ADCY8: variants seen among roughly 807,000 people sequenced by gnomAD.
The protein encoded by ADCY8 is adenylate cyclase type 8.
ADCY8 carries 51 observed loss-of-function variants against 119.7 expected under a neutral mutation model. The observed-to-expected ratio is 0.43, with a 90% CI of 0.34 to 0.54. ADCY8 has a LOEUF of 0.54. Ranked by LOEUF, ADCY8 falls within the 20% of genes least tolerant of loss-of-function variation. The probability of loss-of-function intolerance (pLI) is 0.03; values close to 1 mark genes in which losing one functional copy is unlikely to be tolerated. For missense variants in ADCY8, 1,383 were observed against 1,598.8 expected (o/e 0.87, Z 2.30); for synonymous variants, 665 against 651.0 (o/e 1.02, Z -0.33).
At chr8:130,821,531 C>A in intron 12 of ADCY8, 111 bp from the exon 13 acceptor site, 1 of 756,728 alleles carries the variant, frequency 1.3e-6, no homozygotes, top group Non-Finnish European at 2.2e-6. Flanking sequence ...CACATCTTTT[C>A]AGCACCTATT....
chr8:131,011,373 T>A (rs1048047887), intron 1 of ADCY8, among the ~76,000 whole-genome samples: 12 of 152,104 alleles, frequency 7.9e-5, no homozygotes, highest in Admixed American at 7.9e-4. Context: ...TTCTCTCCCC[T>A]CTTTATGTAG....
intron 11 of ADCY8, among the ~76,000 whole-genome samples, chr8:130,837,610 T>C (rs1437615441): frequency 6.6e-6 from 1 of 152,166 alleles, no homozygotes; most frequent in African/African-American, 2.4e-5. Context: ...CCCCACCAGA[T>C]TTCAGCCTTT....
At chr8:130,930,536 C>T (rs1820602810) in intron 5 of ADCY8, among the ~76,000 whole-genome samples, 1 of 152,140 alleles carries the variant, frequency 6.6e-6, no homozygotes, top group African/African-American at 2.4e-5. Context: ...CAGGTGTGAG[C>T]CACCGCGCCC....
At chr8:131,026,249 G>T (rs1823819940) in intron 1 of ADCY8, among the ~76,000 whole-genome samples, 1 of 152,172 alleles carries the variant, frequency 6.6e-6, no homozygotes, top group Admixed American at 6.6e-5. Context: ...GAGCTGCCTT[G>T]TCTCTTTCAT....
intron 1 of ADCY8, among the ~76,000 whole-genome samples, chr8:130,993,381 C>T (rs1476653982): frequency 6.6e-6 from 1 of 152,146 alleles, no homozygotes; most frequent in Non-Finnish European, 1.5e-5. Context: ...AAACAATTTT[C>T]AGCAGTTTAT....
chr8:130,839,800 C>T (rs1218791620), intron 11 of ADCY8, among the ~76,000 whole-genome samples: 1 of 140,210 alleles, frequency 7.1e-6, no homozygotes, highest in Non-Finnish European at 1.6e-5. Context: ...CAAAACCACA[C>T]TGTAAAAAAT....
chr8:130,976,458 G>A (rs1180023545), intron 2 of ADCY8, among the ~76,000 whole-genome samples: 1 of 152,134 alleles, frequency 6.6e-6, no homozygotes, highest in African/African-American at 2.4e-5. Flanking sequence ...GTATTAATAT[G>A]CGACAGTTTC....
intron 7 of ADCY8, among the ~76,000 whole-genome samples, chr8:130,899,078 AAC>A (rs986453615): frequency 2.0e-5 from 3 of 152,134 alleles, no homozygotes; most frequent in African/African-American, 7.2e-5. Flanking sequence ...TTGCTGTTCT[AAC>A]ACACTAAACT....
intron 8 of ADCY8, among the ~76,000 whole-genome samples, chr8:130,870,317 C>T (rs1303509168): frequency 3.3e-5 from 5 of 152,010 alleles, no homozygotes; most frequent in Non-Finnish European, 5.9e-5. Flanking sequence ...TGGCTCTTTT[C>T]TTCTTTTATG....
At chr8:130,826,590 A>C (rs927324196) in intron 12 of ADCY8, among the ~76,000 whole-genome samples, 21 of 152,048 alleles carry the variant, frequency 1.4e-4, no homozygotes, top group Non-Finnish European at 2.6e-4. Flanking sequence ...CTGGTAGTAC[A>C]TTTTATGTCT....
At chr8:130,870,936 C>G (rs150100060) in intron 8 of ADCY8, among the ~76,000 whole-genome samples, 1 of 150,680 alleles carries the variant, frequency 6.6e-6, no homozygotes, top group Non-Finnish European at 1.5e-5. Context: ...ATAAGTTTGG[C>G]GTTAATGTAG....
At chr8:131,021,404 A>T (rs1223338656) in intron 1 of ADCY8, among the ~76,000 whole-genome samples, 1 of 152,104 alleles carries the variant, frequency 6.6e-6, no homozygotes, top group Non-Finnish European at 1.5e-5. Flanking sequence ...AGGGTGGGTG[A>T]AAAAAATGTG....
chr8:130,952,063 G>C, intron 2 of ADCY8, 65 bp from the exon 3 acceptor site: 2 of 1,587,582 alleles, frequency 1.3e-6, no homozygotes, highest in Non-Finnish European at 1.7e-6. Context: ...GGAGGGTGGA[G>C]GGTGGAGAAG....
chr8:130,909,728 G>T lies in ADCY8; in HGVS notation c.1620C>A (p.Leu540=), dbSNP rs373322573. Residue 540 remains leucine, a synonymous_variant, in exon 6 of 18, where the codon CTC becomes CTA. Transcript: ENST00000286355. ...CTTACCCAGGGATTCCTCCAGATTC[G>T]AGTTTGTTTGCAATATCCACATCCC... is the stretch of plus-strand genomic sequence containing the variant. ...WSWDVDIANK[L]ESGGIPGRIH... 1 of 1,613,982 alleles carries T rather than the reference G, an allele frequency of 6.2e-7. No homozygotes were observed. Among genetic ancestry groups the T allele is most frequent in the South Asian group, 1.1e-5 (1 of 91,062 alleles).
At chr8:130,808,072 C>T (rs533109601) in intron 14 of ADCY8, among the ~76,000 whole-genome samples, 1 of 146,486 alleles carries the variant, frequency 6.8e-6, no homozygotes, top group African/African-American at 2.5e-5. Context: ...ACTAAGATAC[C>T]ATTGTAAATA....
chr8:130,879,256 A>T (rs1306006532), intron 8 of ADCY8, among the ~76,000 whole-genome samples: 1 of 152,220 alleles, frequency 6.6e-6, no homozygotes, highest in East Asian at 1.9e-4. Context: ...CAAAAGGTTA[A>T]GTTCCTCAGT....
intron 1 of ADCY8, among the ~76,000 whole-genome samples, chr8:131,032,166 C>A (rs75552838): frequency 6.6e-6 from 1 of 152,172 alleles, no homozygotes; most frequent in South Asian, 2.1e-4. Context: ...AAACATTACT[C>A]ATTTAACAAG....
intron 3 of ADCY8, 35 bp from the exon 4 acceptor site, chr8:130,943,497 G>GGGGGGGCCCCC: frequency 4.1e-6 from 2 of 491,344 alleles, no homozygotes; most frequent in Non-Finnish European, 8.4e-6. Flanking sequence ...GTGGGGGGAG[G>GGGGGGGCCCCC]AAGTATATTA....
At chr8:130,889,136 A>T (rs1225258501) in intron 7 of ADCY8, among the ~76,000 whole-genome samples, 1 of 152,152 alleles carries the variant, frequency 6.6e-6, no homozygotes, top group Non-Finnish European at 1.5e-5. Flanking sequence ...TGTTTCAAGA[A>T]GCACAAGAAT....
Sources: gnomAD v4.1 joint callset for allele counts (sites outside exome capture counted in the v4.1 genomes callset) on GRCh38, gnomAD v4.1.1 for gene constraint, MANE v1.5 for transcripts, NCBI Gene and HGNC (gene_info 2026-07-23, HGNC 2026-07-21) for gene names.